TRRAP: variants seen among roughly 807,000 people sequenced by gnomAD.
TRRAP encodes transformation/transcription domain associated protein, also known as transformation/transcription domain-associated protein.
Under a neutral mutation model 438.8 loss-of-function variants are expected in TRRAP, and 41 were observed. That is an observed-to-expected ratio of 0.09 (90% CI 0.07 to 0.12). TRRAP has a LOEUF of 0.12. Ranked by LOEUF, TRRAP falls within the 10% of genes least tolerant of loss-of-function variation. TRRAP has a pLI of 1.00. For synonymous variants in TRRAP, 1,994 were observed against 1,962.9 expected, an observed-to-expected ratio of 1.02 and a Z score of -0.42; for missense variants, 3,122 against 5,055.1, an observed-to-expected ratio of 0.62 and a Z score of 11.60.
chr7:98,888,373 C>G (rs547387276), intron 3 of TRRAP, among the ~76,000 whole-genome samples: 3 of 150,802 alleles, frequency 2.0e-5, no homozygotes, highest in African/African-American at 7.3e-5. Context: ...CCTATCTCCA[C>G]TTAAAAAAAA....
At chr7:98,927,839 G>A (rs1340692489) in intron 23 of TRRAP, among the ~76,000 whole-genome samples, 1 of 152,008 alleles carries the variant, frequency 6.6e-6, no homozygotes, top group Non-Finnish European at 1.5e-5. Flanking sequence ...TGCCTGGAAC[G>A]GCTGCTCACC....
intron 35 of TRRAP, 34 bp from the exon 36 acceptor site, chr7:98,949,383 C>T: frequency 6.7e-7 from 1 of 1,483,484 alleles, no homozygotes; most frequent in Non-Finnish European, 8.9e-7. Context: ...GTTTGATTAG[C>T]TTAAAACGGC....
At chr7:98,962,457 G>T in intron 47 of TRRAP, 30 bp downstream of exon 47, 2 of 1,613,552 alleles carry the variant, frequency 1.2e-6, no homozygotes, top group Non-Finnish European at 1.7e-6. Context: ...GGTGTTCGTG[G>T]TGGCTCAGTT....
chr7:98,990,849 A>C (rs975963497), intron 64 of TRRAP, among the ~76,000 whole-genome samples: 1 of 152,236 alleles, frequency 6.6e-6, no homozygotes, highest in Non-Finnish European at 1.5e-5. Flanking sequence ...CAGTGTTAAA[A>C]TTCTAATTTC....
intron 69 of TRRAP, 115 bp from the exon 70 acceptor site, chr7:99,008,262 C>A (rs954615745): frequency 1.8e-6 from 2 of 1,106,534 alleles, no homozygotes; most frequent in Non-Finnish European, 2.6e-6. Context: ...CCAGCTAAGC[C>A]CCCAAGGCAT....
At chr7:98,965,990 T>C in intron 49 of TRRAP, 95 bp downstream of exon 49, 1 of 1,411,782 alleles carries the variant, frequency 7.1e-7, no homozygotes, top group East Asian at 2.5e-5. Flanking sequence ...AGCAAAACAT[T>C]TTTTTCTGCT....
Position 98,893,795 on chromosome 7 carries a change from T to C in TRRAP, c.367-3T>C, listed in dbSNP as rs369076374. The C allele has an allele frequency of 8.7e-6, 14 of 1,612,290 alleles. No homozygotes were observed. Among genetic ancestry groups the C allele is most frequent in the Non-Finnish European group, 1.2e-5 (14 of 1,179,354 alleles). On this transcript the variant is annotated splice_polypyrimidine_tract_variant and splice_region_variant and intron_variant, in intron 5 of 72. Transcript: ENST00000456197. ...ATAACTTTCATTAAATGCTTTTTTT[T>C]AGACGGAAAATGAAGAAAATGTTCT...
rs542487513 is a variant in TRRAP, at chr7:98,997,044, G to A, written c.10309+2196G>A. 1.3e-3 allele frequency among the ~76,000 whole-genome samples: 198 copies of A among 152,066 alleles called. 1 individual carries two copies. The highest frequency in any genetic ancestry group is 4.1e-3 in the African/African-American group (171 of 41,498). ...GTTCTTGGTGGGCACGGTGGCTCAC[G>A]TCTGTAATCCCAGCACTTTCAGAGG... On this transcript the variant is annotated intron_variant, in intron 67 of 72. Coordinates refer to ENST00000456197, the MANE Select transcript of TRRAP (RefSeq NM_001375524.1).
intron 29 of TRRAP, 124 bp downstream of exon 29, chr7:98,937,401 T>A (rs1790607157): frequency 7.2e-7 from 1 of 1,386,084 alleles, no homozygotes; most frequent in African/African-American, 1.5e-5. Context: ...GCTTTATGCA[T>A]GTGGTTATTA....
At position 98,881,260 on chromosome 7, in the gene TRRAP, T is replaced by C. The variant is rs1554403011; in HGVS notation, c.100+10T>C. 1 of 1,586,008 alleles carries C rather than the reference T, an allele frequency of 6.3e-7. No individual in the cohort carries two copies. Among genetic ancestry groups the C allele is most frequent in the Non-Finnish European group, 8.6e-7 (1 of 1,164,174 alleles). On this transcript the variant is annotated intron_variant, in intron 2 of 72. Coordinates refer to ENST00000456197, the MANE Select transcript of TRRAP (RefSeq NM_001375524.1). ...ACAGATGTGAATACACGTGAGTTGATCCTTTTTATCATTAAGAAATGCATA... is the reference window on the plus strand; with the variant it reads ...ACAGATGTGAATACACGTGAGTTGACCCTTTTTATCATTAAGAAATGCATA...
At chr7:98,935,314 A>G (rs1205507414) in intron 27 of TRRAP, among the ~76,000 whole-genome samples, 1 of 152,188 alleles carries the variant, frequency 6.6e-6, no homozygotes, top group African/African-American at 2.4e-5. Flanking sequence ...ACGTGATGGT[A>G]TCAGAGTGGG....
At chr7:98,945,334 C>T (rs1352393302) in intron 31 of TRRAP, among the ~76,000 whole-genome samples, 1 of 152,338 alleles carries the variant, frequency 6.6e-6, no homozygotes, top group East Asian at 1.9e-4. Context: ...GCCTAAACCA[C>T]CTGGACCTCT....
chr7:98,964,714 G>C lies in TRRAP; in HGVS notation c.6915G>C (p.Gln2305His). The C allele has an allele frequency of 6.2e-7, 1 of 1,613,968 alleles. No individual in the cohort carries two copies. Among genetic ancestry groups the C allele is most frequent in the Non-Finnish European group, 8.5e-7 (1 of 1,179,970 alleles). Residue 2305 changes from glutamine to histidine, a missense_variant, in exon 48 of 73, where the codon CAG becomes CAC. Gln to His is a conservative substitution (Grantham distance 24). Coordinates refer to ENST00000456197, the MANE Select transcript of TRRAP (RefSeq NM_001375524.1). ...RLISVFMRSL[Q>H]KMVREHLNPQ... Reference sequence around the variant, plus strand: ...TCTCCGTCTTTATGCGCTCCCTGCAGAAGATGGTCCGGGAGCATTTAAACC... The same window carrying C: ...TCTCCGTCTTTATGCGCTCCCTGCACAAGATGGTCCGGGAGCATTTAAACC...
intron 21 of TRRAP, 141 bp downstream of exon 21, chr7:98,922,094 C>T: frequency 8.4e-7 from 1 of 1,188,532 alleles, no homozygotes; most frequent in Non-Finnish European, 1.2e-6. Flanking sequence ...CTGGTTGGCA[C>T]AGGGGCTTTC....
Position 98,933,244 on chromosome 7 carries a change from C to T in TRRAP, c.3856C>T (p.Leu1286=), listed in dbSNP as rs1435479137. 6.2e-6 allele frequency: 10 copies of T among 1,611,806 alleles called. No individual in the cohort carries two copies. Among genetic ancestry groups the T allele is most frequent in the Non-Finnish European group, 8.5e-6 (10 of 1,179,146 alleles). The change falls in exon 27 of 73, where the codon CTG becomes TTG. Residue 1286 remains leucine, a synonymous_variant. Coordinates refer to ENST00000456197, the MANE Select transcript of TRRAP (RefSeq NM_001375524.1). ...GCCTCCTCCTTGGCTTCCCCAGGTCCTGCAGGATATGGTCCCCCCTAAGAA... is the reference window on the plus strand; with the variant it reads ...GCCTCCTCCTTGGCTTCCCCAGGTCTTGCAGGATATGGTCCCCCCTAAGAA... The part of the protein sequence containing the change: ...TVIMEPHKEV[L]QDMVPPKKHL...
At chr7:98,937,562 C>T (rs1584334074) in intron 29 of TRRAP, 88 bp from the exon 30 acceptor site, 2 of 1,377,042 alleles carry the variant, frequency 1.5e-6, no homozygotes, top group Admixed American at 5.3e-5. Flanking sequence ...AGAACGGAAA[C>T]TTGCAGCTAA....
intron 64 of TRRAP, among the ~76,000 whole-genome samples, chr7:98,991,677 G>A (rs144671438): frequency 6.6e-6 from 1 of 152,172 alleles, no homozygotes; most frequent in Non-Finnish European, 1.5e-5. Flanking sequence ...TAACTGAAAC[G>A]GACATCCCTC....
In TRRAP at chr7:98,897,816, A is replaced by C; in HGVS notation, c.583A>C (p.Thr195Pro). Residue 195 changes from threonine (T) to proline (P), a missense_variant, in exon 8 of 73, where the codon ACG becomes CCG. Coordinates refer to ENST00000456197, the MANE Select transcript of TRRAP (RefSeq NM_001375524.1). ...CCCAGAAATGGTTGGTATGATAACA[A>C]CGATTGCTGTGAAAGTCAACCCGGA... ...PPPEMVGMIT[T>P]IAVKVNPERE... 6.2e-7 allele frequency: 1 copy of C among 1,614,102 alleles called. No homozygotes were observed. The highest frequency in any genetic ancestry group is 8.5e-7 in the Non-Finnish European group (1 of 1,180,020).
At position 98,908,500 on chromosome 7, in the gene TRRAP, T is replaced by G. The variant is rs1796894647; in HGVS notation, c.1116-228T>G. On this transcript the variant is annotated intron_variant, in intron 13 of 72. Transcript: ENST00000456197. The surrounding 1 kb of genome is among the most constrained non-coding windows in gnomAD (Gnocchi z 4.1). ...AGCATCTATTAGTAACTTTATGACG[T>G]GCACAAAGTTAACCTTTTAGCTTGG... Among the ~76,000 whole-genome samples, 1 of 152,248 alleles carries G rather than the reference T, an allele frequency of 6.6e-6. No individual in the cohort carries two copies. The highest frequency in any genetic ancestry group is 1.5e-5 in the Non-Finnish European group (1 of 68,054).
Sources: gnomAD v4.1 joint callset for allele counts (sites outside exome capture counted in the v4.1 genomes callset) on GRCh38, gnomAD v4.1.1 for gene constraint, Gnocchi (gnomAD v3.1) non-coding constraint, MANE v1.5 for transcripts, NCBI Gene and HGNC (gene_info 2026-07-23, HGNC 2026-07-21) for gene names.